Variants in PARD3B observed in about 807,000 individuals in gnomAD.
The protein encoded by PARD3B is par-3 family cell polarity regulator beta.
PARD3B carries 103 observed loss-of-function variants against 130.2 expected under a neutral mutation model. That is an observed-to-expected ratio of 0.79 (90% CI 0.67 to 0.93). PARD3B has a LOEUF of 0.93. Among genes scored for constraint, PARD3B ranks in the 40% least tolerant of loss-of-function variants. The probability of loss-of-function intolerance (pLI) is 0.00; values close to 1 mark genes in which losing one functional copy is unlikely to be tolerated. For synonymous variants in PARD3B, 583 were observed against 553.2 expected (o/e 1.05, Z -0.76); for missense variants, 1,609 against 1,499.2 (o/e 1.07, Z -1.21).
rs116647828 is a variant in PARD3B, at chr2:205,398,549, T to C, written c.2631-2464T>C. 2.7e-3 allele frequency among the ~76,000 whole-genome samples: 411 copies of C among 152,178 alleles called. 1 individual carries two copies. Among genetic ancestry groups the C allele is most frequent in the African/African-American group, 9.4e-3 (390 of 41,532 alleles). ...AAACTACAGTAGGAGTAGAGAGAGA[T>C]GGAGAGATGGCAATGGAGGGAGAAA... is the stretch of plus-strand genomic sequence containing the variant. On this transcript the variant is annotated intron_variant, in intron 18 of 22. Transcript: ENST00000406610.
chr2:205,404,131 T>C (rs1457982734), intron 19 of PARD3B, among the ~76,000 whole-genome samples: 1 of 152,222 alleles, frequency 6.6e-6, no homozygotes, highest in Non-Finnish European at 1.5e-5. Flanking sequence ...CTTTTTTTTA[T>C]GCATATACAG....
At chr2:204,603,798 G>A (rs184464105) in intron 1 of PARD3B, among the ~76,000 whole-genome samples, 228 of 152,258 alleles carry the variant, frequency 1.5e-3, no homozygotes, top group African/African-American at 5.1e-3. Context: ...AGTTGGAGGA[G>A]TGCTTCATGT....
chr2:205,206,471 G>GT lies in PARD3B; in HGVS notation c.2140+13155dup, dbSNP rs1440482097. On this transcript the variant is annotated intron_variant, in intron 15 of 22. Transcript: ENST00000406610. The stretch of plus-strand genomic sequence containing the variant: ...TATGAGTGAGAATATGTGGTGTTTG[G>GT]TTTTCTGTTCTTGCGATAGTTTACC... 3.3e-5 allele frequency among the ~76,000 whole-genome samples: 5 copies of GT among 149,818 alleles called. No individual in the cohort carries two copies. The South Asian group carries it at 1.1e-3, about 32-fold the overall frequency.
At chr2:205,567,490 T>TTTTTTC (rs2053396792) in intron 22 of PARD3B, among the ~76,000 whole-genome samples, 1 of 143,132 alleles carries the variant, frequency 7.0e-6, no homozygotes, top group Non-Finnish European at 1.5e-5. Context: ...AATTTTTTTT[T>TTTTTTC]TTTTTGTATT....
intron 2 of PARD3B, among the ~76,000 whole-genome samples, chr2:204,881,932 T>G (rs916547943): frequency 7.2e-5 from 11 of 152,186 alleles, no homozygotes; most frequent in African/African-American, 2.7e-4. Flanking sequence ...AGAATCAGCA[T>G]TACCTTGTGG....
intron 2 of PARD3B, among the ~76,000 whole-genome samples, chr2:204,717,786 C>T (rs1318460331): frequency 6.6e-6 from 1 of 152,118 alleles, no homozygotes; most frequent in Non-Finnish European, 1.5e-5. Flanking sequence ...GAAGAGGTGG[C>T]ATCTGTGCCT....
intron 1 of PARD3B, among the ~76,000 whole-genome samples, chr2:204,631,448 C>T (rs1197518249): frequency 6.6e-6 from 1 of 152,084 alleles, no homozygotes; most frequent in Non-Finnish European, 1.5e-5. Flanking sequence ...TGGGGTTTCA[C>T]CATGTTGGCC....
intron 13 of PARD3B, among the ~76,000 whole-genome samples, chr2:205,177,857 A>G (rs1035925788): frequency 6.6e-6 from 1 of 152,128 alleles, no homozygotes; most frequent in Non-Finnish European, 1.5e-5. Flanking sequence ...TCAGTAAATA[A>G]TTTACTCACA....
Position 205,321,170 on chromosome 2 carries a change from T to C in PARD3B, c.2630+19469T>C, listed in dbSNP as rs992853684. Among the ~76,000 whole-genome samples, 1 of 152,220 alleles carries C rather than the reference T, an allele frequency of 6.6e-6. No individual in the cohort carries two copies. The highest frequency in any genetic ancestry group is 2.4e-5 in the African/African-American group (1 of 41,458). On this transcript the variant is annotated intron_variant, in intron 18 of 22. Coordinates refer to ENST00000406610, the MANE Select transcript of PARD3B (RefSeq NM_001302769.2). The surrounding 1 kb of genome is among the most constrained non-coding windows in gnomAD (Gnocchi z 4.2). Reference sequence around the variant, plus strand: ...TAGTTTTTGTAATATATGTTGCCAATAGACCAGCCACATTAAACAATAAAA... The same window carrying C: ...TAGTTTTTGTAATATATGTTGCCAACAGACCAGCCACATTAAACAATAAAA...
intron 1 of PARD3B, among the ~76,000 whole-genome samples, chr2:204,646,027 A>C (rs755175755): frequency 1.3e-5 from 2 of 152,124 alleles, no homozygotes; most frequent in Non-Finnish European, 2.9e-5. Context: ...TTCTGGTTCT[A>C]GCCAAAGAAC....
rs1260419881 is a variant in PARD3B, at chr2:205,288,210, G to C, written c.2186-12320G>C. On this transcript the variant is annotated intron_variant, in intron 16 of 22. Transcript: ENST00000406610. The surrounding 1 kb of genome is among the most constrained non-coding windows in gnomAD (Gnocchi z 4.0). ...CAGTGCCCCCTGTCCCGTCCACCCAGACACATAACCCTGAGCACCTCCTGG... is the reference window on the plus strand; with the variant it reads ...CAGTGCCCCCTGTCCCGTCCACCCACACACATAACCCTGAGCACCTCCTGG... Among the ~76,000 whole-genome samples the C allele has an allele frequency of 2.0e-5, 3 of 152,100 alleles. No homozygotes were observed. The highest frequency in any genetic ancestry group is 4.4e-5 in the Non-Finnish European group (3 of 68,026).
At chr2:205,431,104 G>A (rs1446235866) in intron 19 of PARD3B, among the ~76,000 whole-genome samples, 2 of 152,214 alleles carry the variant, frequency 1.3e-5, no homozygotes, top group African/African-American at 4.8e-5. Context: ...TAGAGACAGA[G>A]CCTTGCTCTG....
intron 18 of PARD3B, among the ~76,000 whole-genome samples, chr2:205,353,909 G>C (rs1359125048): frequency 6.6e-6 from 1 of 151,972 alleles, no homozygotes; most frequent in Non-Finnish European, 1.5e-5. Context: ...TCTCAAGAAG[G>C]TTAATAGGGG....
chr2:205,186,145 G>A (rs1160053389), intron 14 of PARD3B, among the ~76,000 whole-genome samples: 2 of 152,042 alleles, frequency 1.3e-5, no homozygotes, highest in Admixed American at 6.6e-5. Flanking sequence ...AAAAACTAGA[G>A]CCATGGAGCT....
At chr2:205,447,673 G>A (rs1036897259) in intron 20 of PARD3B, among the ~76,000 whole-genome samples, 25 of 152,166 alleles carry the variant, frequency 1.6e-4, no homozygotes, top group African/African-American at 4.8e-4. Context: ...CACCGCACCC[G>A]GCTGATTTAA....
chr2:204,843,515 G>A (rs1394258993), intron 2 of PARD3B, among the ~76,000 whole-genome samples: 1 of 151,884 alleles, frequency 6.6e-6, no homozygotes, highest in Non-Finnish European at 1.5e-5. Context: ...TCAGCCTCTT[G>A]AGTAGCTGGG....
intron 2 of PARD3B, among the ~76,000 whole-genome samples, chr2:204,724,767 C>A (rs1284839443): frequency 2.2e-5 from 3 of 135,104 alleles, no homozygotes; most frequent in Non-Finnish European, 4.6e-5. Flanking sequence ...ATTATAGAGA[C>A]AAGGTATACT....
intron 3 of PARD3B, among the ~76,000 whole-genome samples, chr2:205,045,027 G>A (rs1407290381): frequency 6.6e-6 from 1 of 151,412 alleles, no homozygotes; most frequent in Non-Finnish European, 1.5e-5. Flanking sequence ...ATACTCAACA[G>A]GAGACATTCA....
chr2:205,284,395 GA>G (rs2041308062), intron 16 of PARD3B, among the ~76,000 whole-genome samples: 1 of 152,122 alleles, frequency 6.6e-6, no homozygotes, highest in South Asian at 2.1e-4. Context: ...ATAGAATATA[GA>G]AAATAGAAAT....
Sources: gnomAD v4.1 joint callset for allele counts (sites outside exome capture counted in the v4.1 genomes callset) on GRCh38, gnomAD v4.1.1 for gene constraint, Gnocchi (gnomAD v3.1) non-coding constraint, MANE v1.5 for transcripts, NCBI Gene and HGNC (gene_info 2026-07-23, HGNC 2026-07-21) for gene names.